HIPK4: variants seen among roughly 807,000 people sequenced by gnomAD.
HIPK4 encodes homeodomain interacting protein kinase 4, also known as homeodomain-interacting protein kinase 4.
A neutral mutation model predicts 44.8 loss-of-function variants in HIPK4; 26 were observed. The ratio of observed to expected loss-of-function variants is 0.58; its 90% confidence interval spans 0.43 to 0.80. The LOEUF (loss-of-function observed/expected upper bound fraction) is 0.80, where lower values mean the gene tolerates loss of function less well. HIPK4 is among the 30% of genes least tolerant of loss of function. The pLI is 0.00. For missense variants in HIPK4, 729 were observed against 862.6 expected, an observed-to-expected ratio of 0.85 and a Z score of 1.94; for synonymous variants, 340 against 355.5, an observed-to-expected ratio of 0.96 and a Z score of 0.49.
At chr19:40,382,128 G>C (rs1245472871) in intron 2 of HIPK4, among the ~76,000 whole-genome samples, 1 of 151,434 alleles carries the variant, frequency 6.6e-6, no homozygotes, top group Non-Finnish European at 1.5e-5. Context: ...TTTTAAACAG[G>C]GTCTTGCTGT....
chr19:40,386,474 C>T (rs1215801014), intron 1 of HIPK4, among the ~76,000 whole-genome samples: 1 of 152,224 alleles, frequency 6.6e-6, no homozygotes, highest in African/African-American at 2.4e-5. Flanking sequence ...CCGCCTCAGC[C>T]TCCTGAGTAG....
chr19:40,381,488 T>C (rs1220481821), intron 2 of HIPK4, among the ~76,000 whole-genome samples: 1 of 152,196 alleles, frequency 6.6e-6, no homozygotes, highest in African/African-American at 2.4e-5. Flanking sequence ...TCCAGGTCCC[T>C]CTTACTGCCA....
At chr19:40,381,783 CCTTT>C (rs1236962875) in intron 2 of HIPK4, among the ~76,000 whole-genome samples, 5 of 113,334 alleles carry the variant, frequency 4.4e-5, no homozygotes, top group Admixed American at 4.0e-4. Context: ...TCACTCAGAT[CCTTT>C]TTTTTTTTTT....
chr19:40,379,888 C>A, intron 3 of HIPK4, 119 bp from the exon 4 acceptor site: 2 of 1,038,592 alleles, frequency 1.9e-6, no homozygotes, highest in Non-Finnish European at 2.7e-6. Flanking sequence ...CAGTGCTGGG[C>A]CTTTATTGCC....
In HIPK4 at chr19:40,381,174, G is replaced by A. The variant is rs1482651749; in HGVS notation, c.823-6C>T. The A allele has an allele frequency of 1.1e-5, 18 of 1,588,130 alleles. No individual in the cohort carries two copies. The highest frequency in any genetic ancestry group is 4.5e-5 in the East Asian group (2 of 44,696). Reference sequence around the variant, plus strand: ...CGGCGCTCCAATGGGCGCACCTGGCGGGGCATGGAGAAGGGGGCAGGGTTG... The same window carrying A: ...CGGCGCTCCAATGGGCGCACCTGGCAGGGCATGGAGAAGGGGGCAGGGTTG... On this transcript the variant is annotated splice_region_variant and splice_polypyrimidine_tract_variant and intron_variant, in intron 2 of 3. Transcript: ENST00000291823.
At position 40,380,685 on chromosome 19, in the gene HIPK4, C is replaced by T; in HGVS notation, c.1306G>A (p.Glu436Lys). The change falls in exon 3 of 4, where the codon GAG becomes AAG. Residue 436 changes from glutamate (E) to lysine (K), a missense_variant. Transcript: ENST00000291823. The surrounding 1 kb of genome is among the most constrained non-coding windows in gnomAD (Gnocchi z 4.2). ...IDQLDDLSLQEAGHGLWGETC... is the reference protein window; with the variant it reads ...IDQLDDLSLQKAGHGLWGETC... ...TCACCCCACAGCCCATGCCCAGCCT[C>T]CTGCAGACTCAGGTCATCCAGCTGG... 2 of 1,614,084 alleles carry T rather than the reference C, an allele frequency of 1.2e-6. No homozygotes were observed. The highest frequency in any genetic ancestry group is 1.7e-6 in the Non-Finnish European group (2 of 1,179,944).
At chr19:40,385,683 C>CTTTTTTTTTTTTTTTTT (rs142414559) in intron 1 of HIPK4, among the ~76,000 whole-genome samples, 134 of 67,028 alleles carry the variant, frequency 2.0e-3, no homozygotes, top group Non-Finnish European at 2.6e-3. Flanking sequence ...CTTTTCTTTT[C>CTTTTTTTTTTTTTTTTT]TTTTTTTTTT....
In HIPK4 at chr19:40,389,663, A is replaced by G. The variant is rs771019421; in HGVS notation, c.240T>C (p.His80=). ...AGACCAGGTAGAACTTGAGGGCGTCATGGAAGAACTCAAGGAAGCGGATGA... is the reference window on the plus strand; with the variant it reads ...AGACCAGGTAGAACTTGAGGGCGTCGTGGAAGAACTCAAGGAAGCGGATGA... The part of the protein sequence containing the change: ...AHVIRFLEFF[H]DALKFYLVFE... The change falls in exon 1 of 4, where the codon CAT becomes CAC. Residue 80 remains histidine, a synonymous_variant. Transcript: ENST00000291823. This position sits in a 1 kb window ranked among gnomAD's most constrained non-coding sequence, Gnocchi z 4.6. 2.5e-6 allele frequency: 4 copies of G among 1,614,070 alleles called. No individual in the cohort carries two copies. The highest frequency in any genetic ancestry group is 2.7e-5 in the African/African-American group (2 of 74,924).
At position 40,380,080 on chromosome 19, in the gene HIPK4, C is replaced by G. The variant is rs557845958; in HGVS notation, c.1668+243G>C. Among the ~76,000 whole-genome samples the G allele has an allele frequency of 6.6e-6, 1 of 152,226 alleles. No homozygotes were observed. Among genetic ancestry groups the G allele is most frequent in the South Asian group, 2.1e-4 (1 of 4,826 alleles). On this transcript the variant is annotated intron_variant, in intron 3 of 3. Coordinates refer to ENST00000291823, the MANE Select transcript of HIPK4 (RefSeq NM_144685.5). This position sits in a 1 kb window ranked among gnomAD's most constrained non-coding sequence, Gnocchi z 4.2. Reference sequence around the variant, plus strand: ...GTTGCCCAGGCTCTTTATCAAGCTTCTTATAAGTAGATTACTGTGCCCTGA... The same window carrying G: ...GTTGCCCAGGCTCTTTATCAAGCTTGTTATAAGTAGATTACTGTGCCCTGA...
chr19:40,383,146 G>A (rs1252512516), intron 2 of HIPK4, among the ~76,000 whole-genome samples: 1 of 140,958 alleles, frequency 7.1e-6, no homozygotes. Flanking sequence ...GCAGTGGTGG[G>A]ATCTCGGCTC....
At chr19:40,385,649 C>A (rs11667689) in intron 1 of HIPK4, among the ~76,000 whole-genome samples, 3 of 150,848 alleles carry the variant, frequency 2.0e-5, no homozygotes, top group Non-Finnish European at 4.4e-5. Context: ...TTCTATCCCC[C>A]GCCAGGCCCC....
intron 1 of HIPK4, among the ~76,000 whole-genome samples, chr19:40,386,363 T>C (rs1033698356): frequency 6.6e-6 from 1 of 152,042 alleles, no homozygotes; most frequent in Non-Finnish European, 1.5e-5. Context: ...AGCCCTTTTT[T>C]CCTTTTTAGA....
chr19:40,381,820 T>G (rs2079338599), intron 2 of HIPK4, among the ~76,000 whole-genome samples: 1 of 137,414 alleles, frequency 7.3e-6, no homozygotes, highest in Non-Finnish European at 1.5e-5. Flanking sequence ...TTTGTATGTG[T>G]GTGAGACAGA....
At chr19:40,384,244 TTGACTC>T in intron 1 of HIPK4, 105 bp from the exon 2 acceptor site, 1 of 823,102 alleles carries the variant, frequency 1.2e-6, no homozygotes, top group South Asian at 1.7e-5. Flanking sequence ...CATCTGCTAT[TTGACTC>T]TGGCCATCTC....
Position 40,382,253 on chromosome 19 carries a change from G to A in HIPK4, c.823-1085C>T, listed in dbSNP as rs534175455. On this transcript the variant is annotated intron_variant, in intron 2 of 3. Coordinates refer to ENST00000291823, the MANE Select transcript of HIPK4 (RefSeq NM_144685.5). Reference sequence around the variant, plus strand: ...AAGTAGCTTGGAACTACCGGTGTGTGCCACCATGCCTGGCTAAATTTTAAA... The same window carrying A: ...AAGTAGCTTGGAACTACCGGTGTGTACCACCATGCCTGGCTAAATTTTAAA... 5.3e-4 allele frequency among the ~76,000 whole-genome samples: 80 copies of A among 152,010 alleles called. 1 individual carries two copies. The highest frequency in any genetic ancestry group is 1.5e-4 in the Non-Finnish European group (10 of 68,016).
chr19:40,383,192 C>A (rs933051462), intron 2 of HIPK4, among the ~76,000 whole-genome samples: 7 of 148,618 alleles, frequency 4.7e-5, no homozygotes, highest in African/African-American at 1.5e-4. Flanking sequence ...AAGCGATTCT[C>A]CTGCCTCAGC....
rs528458868 is a variant in HIPK4, at chr19:40,380,222, G to A, written c.1668+101C>T. On this transcript the variant is annotated intron_variant, in intron 3 of 3. Coordinates refer to ENST00000291823, the MANE Select transcript of HIPK4 (RefSeq NM_144685.5). The surrounding 1 kb of genome is among the most constrained non-coding windows in gnomAD (Gnocchi z 4.2). ...AATTGTATCCTGAACATGGGTGAGT[G>A]TGTGTTGAGCCTCCTCACACACTAA... 2.3e-5 allele frequency: 32 copies of A among 1,415,156 alleles called. No individual in the cohort carries two copies. The African/African-American group carries it at 4.5e-4, about 20-fold the overall frequency. The allele number at this position is 1,415,156 out of a possible 1,614,324, so 87.7% of individuals were successfully genotyped here.
chr19:40,389,394 A>G lies in HIPK4; in HGVS notation c.465+44T>C, dbSNP rs376599814. 1.8e-6 allele frequency: 2 copies of G among 1,115,600 alleles called. No individual in the cohort carries two copies. Among genetic ancestry groups the G allele is most frequent in the African/African-American group, 3.1e-5 (2 of 63,806 alleles). 69.1% of individuals were successfully genotyped at this position (1,115,600 alleles called of 1,614,324 possible). ...AGGGCTGGAAGAAGCTGGGAAAAAG[A>G]CAAGGAACTAGGGACGCAGCCACCC... On this transcript the variant is annotated intron_variant, in intron 1 of 3. Transcript: ENST00000291823. This position sits in a 1 kb window ranked among gnomAD's most constrained non-coding sequence, Gnocchi z 4.6.
intron 1 of HIPK4, among the ~76,000 whole-genome samples, chr19:40,384,444 C>T (rs771153141): frequency 5.9e-5 from 9 of 152,042 alleles, no homozygotes; most frequent in Non-Finnish European, 2.9e-5. Flanking sequence ...GCTGGGATTG[C>T]AGGCGCCCAC....
Sources: allele counts gnomAD v4.1 joint callset (sites outside exome capture counted in the v4.1 genomes callset), GRCh38; gene constraint gnomAD v4.1.1; non-coding constraint Gnocchi (gnomAD v3.1); transcripts MANE v1.5; gene names NCBI Gene and HGNC (gene_info 2026-07-23, HGNC 2026-07-21).